Variants in METAP1 observed in about 807,000 individuals in gnomAD.
The protein encoded by METAP1 is methionine aminopeptidase 1.
A neutral mutation model predicts 53.8 loss-of-function variants in METAP1; 28 were observed. The observed-to-expected ratio is 0.52, with a 90% CI of 0.39 to 0.71. METAP1 has a LOEUF of 0.71. Ranked by LOEUF, METAP1 falls within the 30% of genes least tolerant of loss-of-function variation. The pLI is 0.00. For synonymous variants in METAP1, 181 were observed against 165.7 expected, an observed-to-expected ratio of 1.09 and a Z score of -0.71; for missense variants, 389 against 479.8, an observed-to-expected ratio of 0.81 and a Z score of 1.77.
At chr4:99,005,183 A>G (rs1003747891) in intron 1 of METAP1, among the ~76,000 whole-genome samples, 4 of 152,178 alleles carry the variant, frequency 2.6e-5, no homozygotes, top group Non-Finnish European at 5.9e-5. Flanking sequence ...TAATAATAAT[A>G]ATCACAGTAA....
chr4:99,041,098 C>G lies in METAP1; in HGVS notation c.488C>G (p.Thr163Ser). The G allele has an allele frequency of 6.2e-7, 1 of 1,607,436 alleles. No individual in the cohort carries two copies. The highest frequency in any genetic ancestry group is 8.5e-7 in the Non-Finnish European group (1 of 1,175,738). ...GGCATGATTAAACCAGGTGTAACTACTGAAGAAATAGATCACGCTGTACAC... is the reference window on the plus strand; with the variant it reads ...GGCATGATTAAACCAGGTGTAACTAGTGAAGAAATAGATCACGCTGTACAC... ...AAGMIKPGVT[T>S]EEIDHAVHLA... The change falls in exon 6 of 11, where the codon ACT becomes AGT. Residue 163 changes from threonine (T) to serine (S), a missense_variant. Coordinates refer to ENST00000296411, the MANE Select transcript of METAP1 (RefSeq NM_015143.3).
Position 99,057,733 on chromosome 4 carries a change from ATTT to A in METAP1, c.932-15_932-13del, listed in dbSNP as rs763783660. 6.4e-7 allele frequency: 1 copy of A among 1,563,392 alleles called. No homozygotes were observed. The highest frequency in any genetic ancestry group is 8.7e-7 in the Non-Finnish European group (1 of 1,152,870). ...ACTGTTGGTTTTGCTACCTTTTGAGATTTTTTTCTTTGATTTCAGAAAATAAAG... is the reference window on the plus strand; with the variant it reads ...ACTGTTGGTTTTGCTACCTTTTGAGATTTTCTTTGATTTCAGAAAATAAAG... On this transcript the variant is annotated splice_polypyrimidine_tract_variant and intron_variant, in intron 9 of 10. Transcript: ENST00000296411.
intron 2 of METAP1, among the ~76,000 whole-genome samples, chr4:99,033,632 T>C (rs189281312): frequency 1.7e-4 from 26 of 152,358 alleles, no homozygotes; most frequent in Non-Finnish European, 3.2e-4. Flanking sequence ...CCCTTGTCTT[T>C]GCCTTTTTCC....
intron 1 of METAP1, among the ~76,000 whole-genome samples, chr4:99,021,196 T>TA (rs1724085394): frequency 6.6e-6 from 1 of 152,220 alleles, no homozygotes; most frequent in Admixed American, 6.5e-5. Flanking sequence ...ACATTCCTCT[T>TA]ACAGTCACTT....
intron 2 of METAP1, among the ~76,000 whole-genome samples, chr4:99,032,811 T>G (rs188501540): frequency 6.6e-6 from 1 of 152,340 alleles, no homozygotes; most frequent in Admixed American, 6.5e-5. Flanking sequence ...CAACTAGCAG[T>G]GAATGAAGTT....
At chr4:99,015,976 C>G (rs969886773) in intron 1 of METAP1, among the ~76,000 whole-genome samples, 1 of 152,152 alleles carries the variant, frequency 6.6e-6, no homozygotes, top group Non-Finnish European at 1.5e-5. Context: ...GATGGGTCCA[C>G]CCCTTCTCGG....
intron 9 of METAP1, among the ~76,000 whole-genome samples, chr4:99,050,245 G>T (rs577856796): frequency 6.6e-6 from 1 of 152,306 alleles, no homozygotes; most frequent in East Asian, 1.9e-4. Context: ...ACTAGCAGCA[G>T]GCAGTCCAGG....
At chr4:98,999,796 CCA>C (rs1312914671) in intron 1 of METAP1, among the ~76,000 whole-genome samples, 1 of 151,962 alleles carries the variant, frequency 6.6e-6, no homozygotes, top group Non-Finnish European at 1.5e-5. Context: ...CAGGCATGAG[CCA>C]CTGTGCCAGC....
At chr4:99,040,320 G>T (rs1560723361) in intron 5 of METAP1, among the ~76,000 whole-genome samples, 2 of 152,122 alleles carry the variant, frequency 1.3e-5, no homozygotes, top group Non-Finnish European at 2.9e-5. Flanking sequence ...TATTCTGAAG[G>T]AAAATATAAT....
rs146150302 is a variant in METAP1 at position 99,038,622 on chromosome 4, TA to T, written c.341-751del. Among the ~76,000 whole-genome samples, 740 of 152,226 alleles carry T rather than the reference TA, an allele frequency of 4.9e-3. 4 individuals are homozygous for T. Among genetic ancestry groups the T allele is most frequent in the African/African-American group, 0.017 (697 of 41,574 alleles). ...ACTTGTAAATAAGATTAGTTGACATTATTTTTGTTAGATTTTGAGTTAATTG... is the reference window on the plus strand; with the variant it reads ...ACTTGTAAATAAGATTAGTTGACATTTTTTTGTTAGATTTTGAGTTAATTG... On this transcript the variant is annotated intron_variant, in intron 4 of 10. Transcript: ENST00000296411.
chr4:98,998,086 G>T (rs1446687328), intron 1 of METAP1, among the ~76,000 whole-genome samples: 2 of 152,210 alleles, frequency 1.3e-5, no homozygotes, highest in African/African-American at 4.8e-5. Flanking sequence ...TGAGCCTCTT[G>T]CTCTAGCCAA....
At chr4:99,022,757 T>C in intron 1 of METAP1, 1 of 1,602,628 alleles carries the variant, frequency 6.2e-7, no homozygotes, top group Non-Finnish European at 8.5e-7. Flanking sequence ...AGGCGTGTTG[T>C]GTAGACTGGC....
intron 1 of METAP1, among the ~76,000 whole-genome samples, chr4:99,002,682 C>T (rs1440752559): frequency 6.6e-6 from 1 of 152,182 alleles, no homozygotes; most frequent in African/African-American, 2.4e-5. Flanking sequence ...AAGTTCTCTC[C>T]TGTTTTTATC....
chr4:99,050,989 A>G (rs1726654248), intron 9 of METAP1, among the ~76,000 whole-genome samples: 1 of 152,214 alleles, frequency 6.6e-6, no homozygotes, highest in Admixed American at 6.5e-5. Context: ...TCATGCTTGA[A>G]ATAAAAGCTA....
chr4:99,021,166 C>T (rs1441529034), intron 1 of METAP1, among the ~76,000 whole-genome samples: 2 of 152,180 alleles, frequency 1.3e-5, no homozygotes, highest in Non-Finnish European at 2.9e-5. Context: ...CCCCTCTGTT[C>T]CCTGTTCTGA....
intron 10 of METAP1, among the ~76,000 whole-genome samples, chr4:99,058,692 A>G (rs115439421): frequency 0.022 from 3,339 of 152,178 alleles, 46 homozygotes; most frequent in Non-Finnish European, 0.035. Flanking sequence ...AGTGACTTCT[A>G]TATTGTCTTT....
intron 1 of METAP1, among the ~76,000 whole-genome samples, chr4:99,013,120 A>G (rs1346489198): frequency 2.0e-5 from 3 of 152,120 alleles, no homozygotes; most frequent in Non-Finnish European, 4.4e-5. Flanking sequence ...CATTGGATTG[A>G]GAGTATGTTT....
intron 1 of METAP1, among the ~76,000 whole-genome samples, chr4:99,013,485 T>C (rs936339596): frequency 6.6e-6 from 1 of 152,178 alleles, no homozygotes; most frequent in African/African-American, 2.4e-5. Context: ...AAGGATCTCT[T>C]AGCAAGGCTG....
intron 1 of METAP1, among the ~76,000 whole-genome samples, chr4:99,008,998 A>G (rs1290524526): frequency 6.6e-6 from 1 of 152,206 alleles, no homozygotes; most frequent in Non-Finnish European, 1.5e-5. Context: ...TTCATTTTGC[A>G]GAACTGAACT....
Sources: gnomAD v4.1 joint callset for allele counts (sites outside exome capture counted in the v4.1 genomes callset) on GRCh38, gnomAD v4.1.1 for gene constraint, MANE v1.5 for transcripts, NCBI Gene and HGNC (gene_info 2026-07-23, HGNC 2026-07-21) for gene names.